Variants in HEATR5B observed in about 807,000 individuals in gnomAD.
HEATR5B encodes HEAT repeat-containing protein 5B.
In HEATR5B, 156 loss-of-function variants were observed where a neutral mutation model predicts 224.1. The observed-to-expected ratio is 0.70, with a 90% confidence interval of 0.61 to 0.80. The LOEUF is 0.80. Among genes scored for constraint, HEATR5B ranks in the 30% least tolerant of loss-of-function variants. HEATR5B has a pLI of 0.00. For synonymous variants in HEATR5B, 1,027 were observed against 893.0 expected (o/e 1.15, Z -2.68); for missense variants, 2,323 against 2,535.5 (o/e 0.92, Z 1.80).
At position 37,033,005 on chromosome 2, in the gene HEATR5B, C is replaced by T. The variant is rs534600316; in HGVS notation, c.3217-232G>A. Among the ~76,000 whole-genome samples, 15 of 152,030 alleles carry T rather than the reference C, an allele frequency of 9.9e-5. No individual in the cohort carries two copies. In the East Asian group the frequency reaches 2.9e-3, roughly 29 times the overall value. On this transcript the variant is annotated intron_variant, in intron 21 of 35. Coordinates refer to ENST00000233099, the MANE Select transcript of HEATR5B (RefSeq NM_019024.3). Reference sequence around the variant, plus strand: ...AAGCGATTCTCTGGCCTCGGCCTCCCAAGTAGCTGGGATTACAGGTGCCTG... The same window carrying T: ...AAGCGATTCTCTGGCCTCGGCCTCCTAAGTAGCTGGGATTACAGGTGCCTG...
chr2:37,078,072 G>A (rs1672343300), intron 3 of HEATR5B, among the ~76,000 whole-genome samples: 1 of 152,196 alleles, frequency 6.6e-6, no homozygotes, highest in Non-Finnish European at 1.5e-5. Context: ...GCAGACCTGT[G>A]CCTAAATCCT....
At chr2:37,058,407 T>C in intron 14 of HEATR5B, 44 bp downstream of exon 14, 1 of 1,155,874 alleles carries the variant, frequency 8.7e-7, no homozygotes, top group Non-Finnish European at 1.3e-6. Flanking sequence ...GGTGAAGAAT[T>C]GTAAAGAAAA....
chr2:37,007,510 AT>A (rs1353774867), intron 28 of HEATR5B, among the ~76,000 whole-genome samples: 10 of 151,914 alleles, frequency 6.6e-5, no homozygotes, highest in African/African-American at 1.7e-4. Context: ...TGCCCAGCTA[AT>A]TTTTTGTATT....
At chr2:37,009,834 C>T (rs1454806700) in intron 27 of HEATR5B, among the ~76,000 whole-genome samples, 3 of 149,766 alleles carry the variant, frequency 2.0e-5, no homozygotes, top group African/African-American at 7.4e-5. Context: ...CCTCCACCTT[C>T]CTAGACTTAT....
chr2:37,073,947 A>G (rs1219344835), intron 5 of HEATR5B, among the ~76,000 whole-genome samples: 1 of 152,258 alleles, frequency 6.6e-6, no homozygotes, highest in African/African-American at 2.4e-5. Flanking sequence ...GTCCAAAATT[A>G]TACCTACACA....
intron 33 of HEATR5B, among the ~76,000 whole-genome samples, chr2:36,998,935 C>T (rs1010471318): frequency 1.3e-5 from 2 of 151,878 alleles, no homozygotes; most frequent in African/African-American, 4.8e-5. Context: ...TAATATCAGG[C>T]CGAGTGTGGT....
chr2:37,035,961 A>G (rs1669450294), intron 21 of HEATR5B, among the ~76,000 whole-genome samples: 1 of 152,204 alleles, frequency 6.6e-6, no homozygotes, highest in South Asian at 2.1e-4. Flanking sequence ...AACCTAGGCC[A>G]CATCCTTCTA....
chr2:37,039,164 A>C (rs955021146), intron 20 of HEATR5B, among the ~76,000 whole-genome samples: 7 of 150,578 alleles, frequency 4.6e-5, no homozygotes, highest in Admixed American at 2.6e-4. Flanking sequence ...CCCATCTCTT[A>C]AAAAGAGAAA....
In HEATR5B at chr2:37,068,904, C is replaced by T. The variant is rs1671742329; in HGVS notation, c.954G>A (p.Leu318=). Residue 318 remains leucine (L), a synonymous_variant, in exon 8 of 36, where the codon TTG becomes TTA. Coordinates refer to ENST00000233099, the MANE Select transcript of HEATR5B (RefSeq NM_019024.3). ...AGCTGCGCTCCAACCACTGACCACC[C>T]AATGTTGTCACAAAAACAACATACG... ...TQAYVVFVTT[L]GGQWLERSFA... 6.2e-7 allele frequency: 1 copy of T among 1,613,712 alleles called. No homozygotes were observed. The highest frequency in any genetic ancestry group is 8.5e-7 in the Non-Finnish European group (1 of 1,179,676).
At chr2:37,005,856 C>A in intron 29 of HEATR5B, 97 bp from the exon 30 acceptor site, 2 of 938,252 alleles carry the variant, frequency 2.1e-6, no homozygotes, top group Middle Eastern at 3.0e-4. Flanking sequence ...TTACAGATTA[C>A]CTTAACATGT....
chr2:37,083,191 C>A (rs1672723794), intron 2 of HEATR5B, 98 bp downstream of exon 2: 8 of 1,368,100 alleles, frequency 5.8e-6, no homozygotes, highest in Non-Finnish European at 8.3e-6. Flanking sequence ...CATAAGTGAC[C>A]CATAAACCTT....
At chr2:36,998,431 A>C (rs1277603919) in intron 33 of HEATR5B, among the ~76,000 whole-genome samples, 2 of 152,256 alleles carry the variant, frequency 1.3e-5, no homozygotes, top group Non-Finnish European at 2.9e-5. Context: ...AATACAGATT[A>C]TCATGCTCTG....
chr2:36,995,087 GT>G lies in HEATR5B; in HGVS notation c.5546-4289del, dbSNP rs775120824. ...CGATTTCTTCGTCTTGTTATTCCTT[GT>G]TTTTTTTTTTTTTTTTCCTGAGATG... is the stretch of plus-strand genomic sequence containing the variant. On this transcript the variant is annotated intron_variant, in intron 33 of 35. Transcript: ENST00000233099. Among the ~76,000 whole-genome samples the G allele has an allele frequency of 1.6e-3, 165 of 104,116 alleles. 4 individuals are homozygous for G. The highest frequency in any genetic ancestry group is 6.8e-3 in the Middle Eastern group (1 of 148). 68.3% of individuals were successfully genotyped at this position (104,116 alleles called of 152,430 possible).
chr2:37,083,377 G>C lies in HEATR5B; in HGVS notation c.38C>G (p.Ala13Gly), dbSNP rs747978747. ...LAHSLLLNEE[A>G]LAQITEAKRP... Reference sequence around the variant, plus strand: ...TTTTGCTTCGGTGATTTGAGCCAAAGCTTCTTCATTTAGCAATAAACTGTG... The same window carrying C: ...TTTTGCTTCGGTGATTTGAGCCAAACCTTCTTCATTTAGCAATAAACTGTG... The change falls in exon 2 of 36, where the codon GCT (alanine) becomes GGT (glycine). Residue 13 changes from alanine (A) to glycine (G), a missense_variant. Physicochemically the swap from Ala to Gly is moderately conservative, Grantham distance 60 (BLOSUM62 0). Transcript: ENST00000233099. 2 of 1,613,820 alleles carry C rather than the reference G, an allele frequency of 1.2e-6. No homozygotes were observed. Among genetic ancestry groups the C allele is most frequent in the South Asian group, 1.1e-5 (1 of 91,082 alleles).
chr2:37,055,775 T>C (rs1316412752), intron 16 of HEATR5B, among the ~76,000 whole-genome samples: 1 of 152,208 alleles, frequency 6.6e-6, no homozygotes, highest in Admixed American at 6.5e-5. Context: ...AACAATACTT[T>C]TAAGGCATTT....
chr2:37,045,586 C>A (rs1427560555), intron 18 of HEATR5B, among the ~76,000 whole-genome samples: 1 of 152,172 alleles, frequency 6.6e-6, no homozygotes, highest in Non-Finnish European at 1.5e-5. Context: ...GTGGTTCCTT[C>A]CCCAGTCTTG....
chr2:37,075,513 G>T lies in HEATR5B; in HGVS notation c.569C>A (p.Ser190Ter). 1 of 1,613,956 alleles carries T rather than the reference G, an allele frequency of 6.2e-7. No individual in the cohort carries two copies. ...GGCCACTGCACATCGAACAGCCATT[G>T]ACCTATCAGTCAAGAGAGACCTGGC... The part of the protein sequence containing the change: ...KNARSLLTDR[S>*]MAVRCAVAKC... The change falls in exon 5 of 36, where the codon TCA becomes TAA. Residue 190 changes from serine (S) to a stop codon, truncating the protein, a stop_gained. Coordinates refer to ENST00000233099, the MANE Select transcript of HEATR5B (RefSeq NM_019024.3). LOFTEE classifies it high-confidence loss of function.
rs193019797 is a variant in HEATR5B at position 37,014,942 on chromosome 2, A to C, written c.4105-922T>G. 4.3e-4 allele frequency among the ~76,000 whole-genome samples: 66 copies of C among 151,964 alleles called. 2 individuals carry two copies. The East Asian group carries it at 0.011, about 25-fold the overall frequency. Reference sequence around the variant, plus strand: ...CAGTGAGCCGAGATCGCACCACTGCACTCCAGCCACGACAGGGCGAGACTT... The same window carrying C: ...CAGTGAGCCGAGATCGCACCACTGCCCTCCAGCCACGACAGGGCGAGACTT... On this transcript the variant is annotated intron_variant, in intron 26 of 35. Transcript: ENST00000233099.
At chr2:36,999,831 G>A (rs1271037617) in intron 33 of HEATR5B, among the ~76,000 whole-genome samples, 1 of 151,806 alleles carries the variant, frequency 6.6e-6, no homozygotes, top group East Asian at 2.0e-4. Context: ...GACCAACACG[G>A]TGAAACCACG....
Sources: gnomAD v4.1 joint callset for allele counts (sites outside exome capture counted in the v4.1 genomes callset) on GRCh38, gnomAD v4.1.1 for gene constraint, MANE v1.5 for transcripts, NCBI Gene and HGNC (gene_info 2026-07-23, HGNC 2026-07-21) for gene names.